TXNDC16: variants seen among roughly 807,000 people sequenced by gnomAD.
The protein encoded by TXNDC16 is thioredoxin domain-containing protein 16.
Under a neutral mutation model 85.6 loss-of-function variants are expected in TXNDC16, and 74 were observed. The observed-to-expected ratio is 0.86, with a 90% CI of 0.72 to 1.05. The LOEUF is 1.05. TXNDC16 is among the 50% of genes least tolerant of loss of function. The probability of loss-of-function intolerance (pLI) is 0.00; values close to 1 mark genes in which losing one functional copy is unlikely to be tolerated. For synonymous variants in TXNDC16, 335 were observed against 326.5 expected (o/e 1.03, Z -0.28); for missense variants, 959 against 947.0 (o/e 1.01, Z -0.17).
chr14:52,455,599 C>T (rs1365840050), intron 17 of TXNDC16, 137 bp from the exon 18 acceptor site: 3 of 880,632 alleles, frequency 3.4e-6, no homozygotes, highest in Non-Finnish European at 5.1e-6. Context: ...ACTCCATTTC[C>T]AGGCAAACTT....
chr14:52,546,402 A>G (rs1455059855), intron 1 of TXNDC16, among the ~76,000 whole-genome samples: 2 of 152,218 alleles, frequency 1.3e-5, no homozygotes, highest in East Asian at 3.8e-4. Context: ...GTTCATTACT[A>G]TAGTTCTAGT....
In TXNDC16 at chr14:52,440,842, T is replaced by C. The variant is rs561659163; in HGVS notation, c.1843-118A>G. The C allele has an allele frequency of 2.1e-5, 19 of 916,778 alleles. No individual in the cohort carries two copies. The African/African-American group carries it at 2.9e-4, about 14-fold the overall frequency. The allele number at this position is 916,778 out of a possible 1,614,324, so 56.8% of individuals were successfully genotyped here. A position where few individuals can be genotyped will look rare whatever the true frequency, so the allele number is the denominator to read the frequency against. On this transcript the variant is annotated intron_variant, in intron 18 of 20. Transcript: ENST00000281741. ...TTTGTAAAATGTAATTCAAACACAT[T>C]TTCACTTAAGTAGAGATTTTACTAT...
intron 16 of TXNDC16, among the ~76,000 whole-genome samples, chr14:52,464,704 G>A (rs753263028): frequency 6.6e-6 from 1 of 152,080 alleles, no homozygotes; most frequent in Non-Finnish European, 1.5e-5. Flanking sequence ...GGCTCAGGTG[G>A]GCAGATCACT....
At chr14:52,442,679 C>T (rs950983710) in intron 18 of TXNDC16, among the ~76,000 whole-genome samples, 2 of 152,060 alleles carry the variant, frequency 1.3e-5, no homozygotes, top group African/African-American at 4.8e-5. Context: ...ATGCTGTCTT[C>T]TTGTGTTAGC....
intron 14 of TXNDC16, among the ~76,000 whole-genome samples, chr14:52,479,581 AAT>A (rs1262747533): frequency 1.3e-5 from 2 of 151,988 alleles, no homozygotes; most frequent in East Asian, 3.9e-4. Context: ...AAAAAAAAAA[AAT>A]AATAAAAATA....
At chr14:52,507,418 T>C (rs2036838207) in intron 9 of TXNDC16, among the ~76,000 whole-genome samples, 2 of 151,998 alleles carry the variant, frequency 1.3e-5, no homozygotes, top group South Asian at 2.1e-4. Flanking sequence ...TAAAAGAGGA[T>C]ACAAACAAAT....
At chr14:52,528,379 T>C (rs2037387465) in intron 6 of TXNDC16, among the ~76,000 whole-genome samples, 2 of 152,116 alleles carry the variant, frequency 1.3e-5, no homozygotes, top group South Asian at 4.1e-4. Flanking sequence ...TCCAAACATC[T>C]GTAAATATTT....
chr14:52,536,393 C>T (rs996180999), intron 6 of TXNDC16, among the ~76,000 whole-genome samples: 1 of 152,168 alleles, frequency 6.6e-6, no homozygotes, highest in Non-Finnish European at 1.5e-5. Context: ...TTATAAGCTA[C>T]CCAGTCTACT....
rs1594705365 is a variant in TXNDC16 at position 52,470,235 on chromosome 14, A to G, written c.1482-62T>C. On this transcript the variant is annotated intron_variant, in intron 15 of 20. Coordinates refer to ENST00000281741, the MANE Select transcript of TXNDC16 (RefSeq NM_020784.3). ...TTAAGATATTTTCAGTTTGTAAAAA[A>G]AAAGCATACTAAACATAGCAAACAA... is the stretch of plus-strand genomic sequence containing the variant. 3.1e-6 allele frequency: 4 copies of G among 1,301,778 alleles called. No individual in the cohort carries two copies. In the East Asian group the frequency reaches 7.6e-5, roughly 25 times the overall value. The allele number at this position is 1,301,778 out of a possible 1,614,324, so 80.6% of individuals were successfully genotyped here.
chr14:52,432,508 T>C lies in TXNDC16; in HGVS notation c.2274A>G (p.Gln758=), dbSNP rs374445129. The C allele has an allele frequency of 8.7e-5, 140 of 1,614,028 alleles. No homozygotes were observed. In the East Asian group the frequency reaches 1.4e-3, roughly 16 times the overall value. ...FLSMIDAATS[Q]RGTRKVPKCM... ...ACTTGGGAACTTTCCTAGTGCCACGTTGAGATGTTGCGGCATCTATCATAC... is the reference window on the plus strand; with the variant it reads ...ACTTGGGAACTTTCCTAGTGCCACGCTGAGATGTTGCGGCATCTATCATAC... Residue 758 remains glutamine, a synonymous_variant, in exon 21 of 21, where the codon CAA becomes CAG. Coordinates refer to ENST00000281741, the MANE Select transcript of TXNDC16 (RefSeq NM_020784.3).
intron 9 of TXNDC16, among the ~76,000 whole-genome samples, chr14:52,492,836 G>T (rs1189490382): frequency 6.6e-6 from 1 of 152,140 alleles, no homozygotes; most frequent in Non-Finnish European, 1.5e-5. Context: ...GTCAGCCAAA[G>T]AGAGTCAGTA....
intron 14 of TXNDC16, among the ~76,000 whole-genome samples, chr14:52,477,296 C>T (rs1024552439): frequency 1.3e-5 from 2 of 152,142 alleles, no homozygotes; most frequent in African/African-American, 2.4e-5. Flanking sequence ...CAACAAATAG[C>T]ATGATGAATG....
At chr14:52,546,030 A>T (rs1479425752) in intron 1 of TXNDC16, among the ~76,000 whole-genome samples, 2 of 152,140 alleles carry the variant, frequency 1.3e-5, no homozygotes, top group Non-Finnish European at 2.9e-5. Flanking sequence ...TCACGCTTAC[A>T]ATTCCAGCCC....
intron 4 of TXNDC16, among the ~76,000 whole-genome samples, chr14:52,539,877 T>C (rs2037789778): frequency 6.6e-6 from 1 of 152,204 alleles, no homozygotes; most frequent in African/African-American, 2.4e-5. Flanking sequence ...AACCCTTATT[T>C]TGGATGCATT....
At chr14:52,450,022 T>C (rs1319380602) in intron 18 of TXNDC16, among the ~76,000 whole-genome samples, 1 of 151,558 alleles carries the variant, frequency 6.6e-6, no homozygotes, top group African/African-American at 2.4e-5. Flanking sequence ...ATGATACACC[T>C]AAAGAACTAG....
At chr14:52,502,976 A>G (rs1218813916) in intron 9 of TXNDC16, among the ~76,000 whole-genome samples, 2 of 152,168 alleles carry the variant, frequency 1.3e-5, no homozygotes, top group African/African-American at 4.8e-5. Context: ...AGCCTCACTC[A>G]TTGCTAGCAC....
chr14:52,454,973 G>A (rs184222280), intron 18 of TXNDC16, among the ~76,000 whole-genome samples: 33 of 152,252 alleles, frequency 2.2e-4, no homozygotes, highest in African/African-American at 6.5e-4. Flanking sequence ...TGCAGAAACC[G>A]AAGAACAGAG....
chr14:52,468,065 A>G (rs1389265795), intron 16 of TXNDC16, among the ~76,000 whole-genome samples: 2 of 152,206 alleles, frequency 1.3e-5, no homozygotes, highest in Non-Finnish European at 2.9e-5. Context: ...TATAAACAGA[A>G]AGTAGAGTGG....
intron 6 of TXNDC16, among the ~76,000 whole-genome samples, chr14:52,533,460 C>G (rs2037629513): frequency 6.6e-6 from 1 of 152,092 alleles, no homozygotes; most frequent in African/African-American, 2.4e-5. Flanking sequence ...TGCTCAAACC[C>G]CATAGACATA....
Sources: gnomAD v4.1 joint callset for allele counts (sites outside exome capture counted in the v4.1 genomes callset) on GRCh38, gnomAD v4.1.1 for gene constraint, MANE v1.5 for transcripts, NCBI Gene and HGNC (gene_info 2026-07-23, HGNC 2026-07-21) for gene names.